SEMA5B: variants seen among roughly 807,000 people sequenced by gnomAD.
The protein encoded by SEMA5B is semaphorin-5B.
In SEMA5B, 66 loss-of-function variants were observed where a neutral mutation model predicts 135.0. The ratio of observed to expected loss-of-function variants is 0.49; its 90% CI spans 0.40 to 0.60. SEMA5B has a LOEUF of 0.60. Ranked by LOEUF, SEMA5B falls within the 20% of genes least tolerant of loss-of-function variation. The pLI is 0.00. For missense variants in SEMA5B, 1,501 were observed against 1,566.3 expected, an observed-to-expected ratio of 0.96 and a Z score of 0.70; for synonymous variants, 690 against 639.5, an observed-to-expected ratio of 1.08 and a Z score of -1.19.
In SEMA5B at chr3:122,912,240, G is replaced by A. The variant is rs1326292390; in HGVS notation, c.2828C>T (p.Ser943Phe). 6.2e-7 allele frequency: 1 copy of A among 1,612,186 alleles called. No individual in the cohort carries two copies. Among genetic ancestry groups the A allele is most frequent in the Non-Finnish European group, 8.5e-7 (1 of 1,178,990 alleles). ...RTRSCTSPAP[S>F]PGEDICLGLH... Reference sequence around the variant, plus strand: ...CCCGAGACAGATGTCCTCACCTGGGGAGGGTGCGGGGCTGGTGCAGGAACG... The same window carrying A: ...CCCGAGACAGATGTCCTCACCTGGGAAGGGTGCGGGGCTGGTGCAGGAACG... The change falls in exon 19 of 23, where the codon TCC becomes TTC. Residue 943 changes from serine to phenylalanine, a missense_variant. By Grantham distance (155) the Ser-to-Phe change is radical. This residue lies in a region of SEMA5B where 927 missense variants were observed against 881.6 expected (regional missense o/e 1.05). Transcript: ENST00000357599.
rs138650221 is a variant in SEMA5B, at chr3:122,969,606, C to T, written c.-38-8305G>A. ...CAGCTCCACTCCCATTCTGCTCCAC[C>T]TCATGGACATCACAGCCCCTAGGTC... is the stretch of plus-strand genomic sequence containing the variant. On this transcript the variant is annotated intron_variant, in intron 1 of 22. Coordinates refer to ENST00000357599, the MANE Select transcript of SEMA5B (RefSeq NM_001031702.4). 4.7e-3 allele frequency among the ~76,000 whole-genome samples: 723 copies of T among 152,328 alleles called. 3 individuals carry two copies. The highest frequency in any genetic ancestry group is 0.017 in the African/African-American group (687 of 41,564).
intron 1 of SEMA5B, among the ~76,000 whole-genome samples, chr3:122,994,896 T>G (rs558565058): frequency 1.3e-5 from 2 of 152,358 alleles, no homozygotes; most frequent in South Asian, 4.1e-4. Context: ...CCTTTATTTC[T>G]TCTTCTACTG....
At chr3:122,916,189 C>T (rs188825445) in intron 12 of SEMA5B, among the ~76,000 whole-genome samples, 33 of 152,312 alleles carry the variant, frequency 2.2e-4, no homozygotes, top group Admixed American at 2.0e-3. Flanking sequence ...AGAGACTGCA[C>T]GTTTAAAAGA....
intron 1 of SEMA5B, among the ~76,000 whole-genome samples, chr3:123,015,343 G>A (rs1043342090): frequency 4.6e-5 from 7 of 152,218 alleles, no homozygotes; most frequent in South Asian, 2.1e-4. Context: ...AAGCTCAGTC[G>A]AAATCAGCAG....
intron 7 of SEMA5B, 37 bp downstream of exon 7, chr3:122,928,480 G>A (rs1261326361): frequency 3.3e-6 from 5 of 1,493,884 alleles, no homozygotes; most frequent in Non-Finnish European, 4.5e-6. Flanking sequence ...CCCCGGCATG[G>A]TGCCCCCTTC....
At chr3:122,936,916 A>G (rs1939316958) in intron 5 of SEMA5B, among the ~76,000 whole-genome samples, 1 of 152,216 alleles carries the variant, frequency 6.6e-6, no homozygotes, top group South Asian at 2.1e-4. Context: ...TAAATTGTTT[A>G]ATAGGGGTTA....
intron 2 of SEMA5B, 80 bp from the exon 3 acceptor site, chr3:122,948,789 C>T: frequency 3.6e-6 from 4 of 1,114,010 alleles, no homozygotes; most frequent in Non-Finnish European, 5.1e-6. Context: ...GGTTACAGTG[C>T]CCCCACAGGA....
intron 15 of SEMA5B, 39 bp downstream of exon 15, chr3:122,913,819 G>A (rs779859375): frequency 6.4e-6 from 10 of 1,570,192 alleles, no homozygotes; most frequent in African/African-American, 4.1e-5. Context: ...GGGGGGCCCG[G>A]TTAGTCTGGG....
chr3:122,987,896 G>A (rs1941750938), intron 1 of SEMA5B, among the ~76,000 whole-genome samples: 1 of 151,874 alleles, frequency 6.6e-6, no homozygotes, highest in Admixed American at 6.6e-5. Flanking sequence ...AAAATAGCTG[G>A]CAGTGCTCCA....
intron 12 of SEMA5B, among the ~76,000 whole-genome samples, chr3:122,916,973 T>C (rs536613401): frequency 6.6e-6 from 1 of 152,342 alleles, no homozygotes; most frequent in African/African-American, 2.4e-5. Context: ...CTTCTTTTTC[T>C]CCTTTTGATG....
intron 3 of SEMA5B, among the ~76,000 whole-genome samples, chr3:122,947,512 C>CTCCT (rs1939840097): frequency 6.6e-6 from 1 of 152,212 alleles, no homozygotes; most frequent in African/African-American, 2.4e-5. Context: ...TCCGCATGTC[C>CTCCT]TCCTGTATGG....
At chr3:122,911,233 C>G (rs1937682741) in intron 21 of SEMA5B, 188 bp from the exon 22 acceptor site, 1 of 1,103,086 alleles carries the variant, frequency 9.1e-7, no homozygotes, top group Admixed American at 2.6e-5. Flanking sequence ...ACAAGGTACC[C>G]TGTGGCTCAA....
At chr3:123,006,427 A>T (rs189825314) in intron 1 of SEMA5B, among the ~76,000 whole-genome samples, 28 of 152,354 alleles carry the variant, frequency 1.8e-4, no homozygotes, top group South Asian at 4.1e-4. Context: ...CCTCAGCTCC[A>T]ATTAGAAAAG....
Position 122,966,863 on chromosome 3 carries a change from C to CTATTAT in SEMA5B, c.-38-5568_-38-5563dup, listed in dbSNP as rs755147289. On this transcript the variant is annotated intron_variant, in intron 1 of 22. Coordinates refer to ENST00000357599, the MANE Select transcript of SEMA5B (RefSeq NM_001031702.4). The stretch of plus-strand genomic sequence containing the variant: ...GTGAGCCACCACACCCGGCCTATTA[C>CTATTAT]TATTATTATTATTATTATTATTATT... Among the ~76,000 whole-genome samples, 131 of 77,750 alleles carry CTATTAT rather than the reference C, an allele frequency of 1.7e-3. 2 individuals carry two copies. Among genetic ancestry groups the CTATTAT allele is most frequent in the Middle Eastern group, 7.7e-3 (1 of 130 alleles). 51.0% of individuals were successfully genotyped at this position (77,750 alleles called of 152,430 possible).
chr3:122,910,894 G>C lies in SEMA5B; in HGVS notation c.3243C>G (p.His1081Gln). Reference sequence around the variant, plus strand: ...TCTTCGGGGTGCCTCCGCCCTTGTAGTGCAAATGGTTGGGGGTGGCAGGAT... The same window carrying C: ...TCTTCGGGGTGCCTCCGCCCTTGTACTGCAAATGGTTGGGGGTGGCAGGAT... ...LVHPATPNHL[H>Q]YKGGGTPKNE... Residue 1081 changes from histidine (H) to glutamine (Q), a missense_variant, in exon 22 of 23, where the codon CAC becomes CAG. His to Gln is a conservative substitution (Grantham distance 24). This residue lies in a region of SEMA5B where 927 missense variants were observed against 881.6 expected (regional missense o/e 1.05). Transcript: ENST00000357599. 3 of 1,613,654 alleles carry C rather than the reference G, an allele frequency of 1.9e-6. No homozygotes were observed. Among genetic ancestry groups the C allele is most frequent in the Non-Finnish European group, 2.5e-6 (3 of 1,180,002 alleles).
chr3:122,977,348 G>T (rs982592675), intron 1 of SEMA5B, among the ~76,000 whole-genome samples: 1 of 152,204 alleles, frequency 6.6e-6, no homozygotes, highest in South Asian at 2.1e-4. Flanking sequence ...GCAAATAAAT[G>T]ACAAATAATT....
chr3:122,913,301 A>C lies in SEMA5B; in HGVS notation c.2404T>G (p.Cys802Gly). The C allele has an allele frequency of 6.3e-7, 1 of 1,578,360 alleles. No homozygotes were observed. The highest frequency in any genetic ancestry group is 8.5e-7 in the Non-Finnish European group (1 of 1,170,948). The change falls in exon 17 of 23, where the codon TGC becomes GGC. Residue 802 changes from cysteine to glycine, a missense_variant. By Grantham distance (159) the Cys-to-Gly change is radical (BLOSUM62 -3). Transcript: ENST00000357599. The stretch of plus-strand genomic sequence containing the variant: ...TGCGGGTCTGCAAGGGGCGCGCGGC[A>C]GGTGAAGCGGAACCGCTGCTCCTGC... Reference protein sequence around the residue: ...ARQEQRFRFTCRAPLADPHGL... With the variant: ...ARQEQRFRFTGRAPLADPHGL...
intron 1 of SEMA5B, among the ~76,000 whole-genome samples, chr3:122,977,618 T>A (rs145211352): frequency 1.3e-3 from 197 of 152,240 alleles, no homozygotes; most frequent in African/African-American, 4.4e-3. Flanking sequence ...GTTAATGTCA[T>A]CCAAAAACAC....
intron 1 of SEMA5B, among the ~76,000 whole-genome samples, chr3:122,982,611 C>T (rs1941553569): frequency 6.6e-6 from 1 of 152,138 alleles, no homozygotes; most frequent in South Asian, 2.1e-4. Flanking sequence ...GTGCCCCAGC[C>T]CTCCTCCTGT....
Sources: allele counts gnomAD v4.1 joint callset (sites outside exome capture counted in the v4.1 genomes callset), GRCh38; gene constraint gnomAD v4.1.1; regional missense constraint gnomAD v4.1.1; transcripts MANE v1.5; gene names NCBI Gene and HGNC (gene_info 2026-07-23, HGNC 2026-07-21).